The following ZNF469 variants were observed in gnomAD, a reference collection of about 807,000 sequenced individuals.
ZNF469 encodes the protein zinc finger protein 469.
A neutral mutation model predicts 1.0 loss-of-function variants in ZNF469; 1 was observed. That is an observed-to-expected ratio of 1.00 (90% CI 0.35 to 4.73). The LOEUF (loss-of-function observed/expected upper bound fraction) is 4.73, where lower values mean the gene tolerates loss of function less well. ZNF469 is among the 30% of genes most tolerant of loss of function. ZNF469 has a pLI of 0.16. For synonymous variants in ZNF469, 2,703 were observed against 2,363.4 expected, an observed-to-expected ratio of 1.14 and a Z score of -4.17; for missense variants, 6,100 against 5,356.3, an observed-to-expected ratio of 1.14 and a Z score of -4.33.
chr16:88,274,621 G>A, the ZNF469 span, among the ~76,000 whole-genome samples: 3 of 152,228 alleles, frequency 2.0e-5, no homozygotes, highest in Admixed American at 6.5e-5. Context: ...GGTGACATGC[G>A]TGTGCTCTGT....
At chr16:88,193,372 G>A in the ZNF469 span, among the ~76,000 whole-genome samples, 1 of 152,048 alleles carries the variant, frequency 6.6e-6, no homozygotes, top group South Asian at 2.1e-4. Flanking sequence ...TATGAGAGTT[G>A]TCTTAGTCCA....
At chr16:88,215,592 G>C in the ZNF469 span, among the ~76,000 whole-genome samples, 1 of 151,644 alleles carries the variant, frequency 6.6e-6, no homozygotes, top group African/African-American at 2.4e-5. Flanking sequence ...GTTTCACCAT[G>C]CTGGCCAGTC....
chr16:88,148,913 A>T, the ZNF469 span, among the ~76,000 whole-genome samples: 1 of 152,164 alleles, frequency 6.6e-6, no homozygotes, highest in Admixed American at 6.5e-5. Flanking sequence ...CAGGACTCAG[A>T]CAGTGCCTGG....
At chr16:88,290,591 G>C in the ZNF469 span, among the ~76,000 whole-genome samples, 8 of 152,288 alleles carry the variant, frequency 5.3e-5, no homozygotes, top group East Asian at 1.5e-3. Context: ...TAAATGTTGA[G>C]AGTCTGAACA....
the ZNF469 span, among the ~76,000 whole-genome samples, chr16:88,297,727 G>T: frequency 6.6e-6 from 1 of 152,176 alleles, no homozygotes; most frequent in Non-Finnish European, 1.5e-5. Flanking sequence ...GAGGACATCT[G>T]TGATTGCATT....
chr16:88,431,590 C>A lies in ZNF469; in HGVS notation c.4120C>A (p.Gln1374Lys). 2 of 1,550,474 alleles carry A rather than the reference C, an allele frequency of 1.3e-6. No individual in the cohort carries two copies. The highest frequency in any genetic ancestry group is 1.7e-6 in the Non-Finnish European group (2 of 1,146,998). Residue 1374 changes from glutamine (Q) to lysine (K), a missense_variant, in exon 3 of 3, where the codon CAG becomes AAG. Gln to Lys is a moderately conservative substitution (Grantham distance 53). Coordinates refer to ENST00000565624, the MANE Select transcript of ZNF469 (RefSeq NM_001367624.2). ...GGTTCCAGTTGCCAAAAAGGGGCCT[C>A]AGCCCTACAGCAGCCCCCACAGTGA... ...LGVPVAKKGP[Q>K]PYSSPHSELF...
At chr16:88,402,648 C>T (rs1325424701) in intron 1 of ZNF469, among the ~76,000 whole-genome samples, 1 of 152,178 alleles carries the variant, frequency 6.6e-6, no homozygotes, top group Non-Finnish European at 1.5e-5. Flanking sequence ...TCAGGGCCTC[C>T]ACCGTCACCT....
chr16:88,348,491 C>A, the ZNF469 span, among the ~76,000 whole-genome samples: 2 of 152,222 alleles, frequency 1.3e-5, no homozygotes, highest in Non-Finnish European at 2.9e-5. Flanking sequence ...TCAGGGGCCA[C>A]CATTGCACCT....
the ZNF469 span, among the ~76,000 whole-genome samples, chr16:88,262,246 A>G: frequency 6.6e-6 from 1 of 152,220 alleles, no homozygotes; most frequent in Non-Finnish European, 1.5e-5. This position sits in a 1 kb window ranked among gnomAD's most constrained non-coding sequence, Gnocchi z 4.3. Flanking sequence ...TGTGCTGGAA[A>G]TAAAACACCC....
Position 88,433,789 on chromosome 16 carries a change from G to T in ZNF469, c.6319G>T (p.Val2107Phe). Residue 2107 changes from valine (V) to phenylalanine (F), a missense_variant, in exon 3 of 3, where the codon GTC (valine) becomes TTC (phenylalanine). Coordinates refer to ENST00000565624, the MANE Select transcript of ZNF469 (RefSeq NM_001367624.2). ...LATGDSPAPS[V>F]GDLAACAPSP... ...CACAGGGGATAGCCCAGCACCCTCT[G>T]TCGGGGACCTGGCCGCCTGCGCCCC... 1 of 1,549,686 alleles carries T rather than the reference G, an allele frequency of 6.5e-7. No individual in the cohort carries two copies. The highest frequency in any genetic ancestry group is 8.7e-7 in the Non-Finnish European group (1 of 1,146,860).
chr16:88,417,259 G>A (rs1244167845), intron 1 of ZNF469, among the ~76,000 whole-genome samples: 2 of 151,494 alleles, frequency 1.3e-5, no homozygotes, highest in Admixed American at 6.6e-5. Context: ...CACCCTTTCT[G>A]AGCCACTGTT....
At chr16:88,159,377 C>G in the ZNF469 span, among the ~76,000 whole-genome samples, 1 of 152,100 alleles carries the variant, frequency 6.6e-6, no homozygotes, top group Non-Finnish European at 1.5e-5. Context: ...CCAGAGGAGC[C>G]GTCTCTACCG....
At chr16:88,268,476 G>A in the ZNF469 span, among the ~76,000 whole-genome samples, 6 of 152,200 alleles carry the variant, frequency 3.9e-5, no homozygotes, top group Non-Finnish European at 8.8e-5. Flanking sequence ...TATTTTTGAG[G>A]ACCTTGACAG....
upstream of ZNF469, among the ~76,000 whole-genome samples, chr16:88,380,182 A>AC (rs2092517260): frequency 3.1e-5 from 3 of 97,390 alleles, no homozygotes; most frequent in South Asian, 1.0e-3. Context: ...CTCACACACA[A>AC]ATGCACTCAC....
chr16:88,431,666 A>C lies in ZNF469; in HGVS notation c.4196A>C (p.His1399Pro), dbSNP rs758146135. 26 of 1,549,906 alleles carry C rather than the reference A, an allele frequency of 1.7e-5. No homozygotes were observed. The highest frequency in any genetic ancestry group is 2.2e-5 in the Non-Finnish European group (25 of 1,146,890). Residue 1399 changes from histidine to proline, a missense_variant, in exon 3 of 3, where the codon CAC becomes CCC. By Grantham distance (77) the His-to-Pro change is moderately conservative. Coordinates refer to ENST00000565624, the MANE Select transcript of ZNF469 (RefSeq NM_001367624.2). The part of the protein sequence containing the change: ...DLAGCFLEEL[H>P]PKPSARDAPP... ...GCTGGCTGTTTCCTGGAAGAACTGCACCCCAAGCCCTCAGCCAGGGATGCC... is the reference window on the plus strand; with the variant it reads ...GCTGGCTGTTTCCTGGAAGAACTGCCCCCCAAGCCCTCAGCCAGGGATGCC...
chr16:88,392,250 C>T (rs933197350), intron 1 of ZNF469, among the ~76,000 whole-genome samples: 5 of 152,404 alleles, frequency 3.3e-5, no homozygotes, highest in South Asian at 2.1e-4. Flanking sequence ...TTCTGGCCAG[C>T]GATGTGCAAA....
the ZNF469 span, among the ~76,000 whole-genome samples, chr16:88,174,939 C>CGTGTGT: frequency 6.7e-6 from 1 of 150,276 alleles, no homozygotes; most frequent in African/African-American, 2.4e-5. Flanking sequence ...TAGGGTCAAC[C>CGTGTGT]GTGTGTGTGT....
At chr16:88,247,705 ATGAG>A in the ZNF469 span, among the ~76,000 whole-genome samples, 1 of 151,924 alleles carries the variant, frequency 6.6e-6, no homozygotes, top group Admixed American at 6.6e-5. Context: ...GAGTGAGTGA[ATGAG>A]TGAGTCAATG....
At chr16:88,145,890 C>G in the ZNF469 span, among the ~76,000 whole-genome samples, 1 of 152,240 alleles carries the variant, frequency 6.6e-6, no homozygotes, top group African/African-American at 2.4e-5. Context: ...GGTGAGTGTC[C>G]TGATGGGGCC....
Sources: gnomAD v4.1 joint callset for allele counts (sites outside exome capture counted in the v4.1 genomes callset) on GRCh38, gnomAD v4.1.1 for gene constraint, Gnocchi (gnomAD v3.1) non-coding constraint, MANE v1.5 for transcripts, NCBI Gene and HGNC (gene_info 2026-07-23, HGNC 2026-07-21) for gene names.